Variants in CNTN1 observed in about 807,000 individuals in gnomAD.
CNTN1 encodes contactin-1.
A neutral mutation model predicts 126.4 loss-of-function variants in CNTN1; 38 were observed. The ratio of observed to expected loss-of-function variants is 0.30; its 90% CI spans 0.23 to 0.39. The LOEUF (loss-of-function observed/expected upper bound fraction) is 0.39. CNTN1 is among the 10% of genes least tolerant of loss of function. The pLI is 1.00. For missense variants in CNTN1, 1,009 were observed against 1,248.4 expected (o/e 0.81, Z 2.89); for synonymous variants, 413 against 422.6 (o/e 0.98, Z 0.28).
At chr12:40,881,762 G>A (rs1470876831) in intron 1 of CNTN1, among the ~76,000 whole-genome samples, 5 of 151,626 alleles carry the variant, frequency 3.3e-5, no homozygotes, top group Admixed American at 6.6e-5. Flanking sequence ...TGGGTTTACC[G>A]TTTTGTCTAA....
intron 1 of CNTN1, among the ~76,000 whole-genome samples, chr12:40,743,552 G>A (rs996638540): frequency 6.6e-6 from 1 of 152,134 alleles, no homozygotes; most frequent in Non-Finnish European, 1.5e-5. Flanking sequence ...TTTAGAATGG[G>A]TGTTTAGGAA....
At chr12:40,836,698 T>A (rs1052743426) in intron 1 of CNTN1, among the ~76,000 whole-genome samples, 1 of 152,196 alleles carries the variant, frequency 6.6e-6, no homozygotes, top group Non-Finnish European at 1.5e-5. Flanking sequence ...ATTTGTATAA[T>A]GGTTAATTCA....
intron 1 of CNTN1, among the ~76,000 whole-genome samples, chr12:40,836,898 C>T (rs965688413): frequency 9.2e-5 from 14 of 152,250 alleles, no homozygotes; most frequent in East Asian, 1.9e-4. Context: ...TTGGATGTTA[C>T]GCTATTACTA....
At chr12:40,936,646 T>TA in intron 9 of CNTN1, 135 bp from the exon 10 acceptor site, 4 of 1,052,492 alleles carry the variant, frequency 3.8e-6, no homozygotes, top group Non-Finnish European at 4.3e-6. Context: ...CAAGGCCTAT[T>TA]ACTGAGTTCA....
At chr12:41,005,389 A>G (rs755988680) in intron 17 of CNTN1, among the ~76,000 whole-genome samples, 3 of 152,156 alleles carry the variant, frequency 2.0e-5, no homozygotes, top group Non-Finnish European at 4.4e-5. Context: ...ATCTTTAAAA[A>G]TATGATGATT....
chr12:40,959,934 A>C (rs1305859888), intron 15 of CNTN1, among the ~76,000 whole-genome samples: 4 of 152,050 alleles, frequency 2.6e-5, no homozygotes, highest in Non-Finnish European at 5.9e-5. Flanking sequence ...ATCTCACTTC[A>C]TGTAACCAAC....
intron 1 of CNTN1, among the ~76,000 whole-genome samples, chr12:40,756,632 T>A (rs980065710): frequency 2.0e-5 from 3 of 152,132 alleles, no homozygotes; most frequent in Non-Finnish European, 4.4e-5. Context: ...GCATTTGCAC[T>A]AGGTGTTCCC....
At chr12:40,750,330 G>T (rs564081778) in intron 1 of CNTN1, among the ~76,000 whole-genome samples, 2 of 151,726 alleles carry the variant, frequency 1.3e-5, no homozygotes, top group Non-Finnish European at 1.5e-5. Context: ...AGATATAAAG[G>T]TATGGATGTG....
At chr12:40,948,149 T>C (rs899047173) in intron 14 of CNTN1, among the ~76,000 whole-genome samples, 2 of 151,970 alleles carry the variant, frequency 1.3e-5, no homozygotes, top group Non-Finnish European at 2.9e-5. Flanking sequence ...TCTGAGAGTA[T>C]TGGGGACACG....
chr12:40,836,642 T>A (rs569622791), intron 1 of CNTN1, among the ~76,000 whole-genome samples: 1 of 152,288 alleles, frequency 6.6e-6, no homozygotes, highest in African/African-American at 2.4e-5. Flanking sequence ...ACTTCCTCAA[T>A]GAAGAAATCA....
intron 23 of CNTN1, among the ~76,000 whole-genome samples, chr12:41,042,858 T>C (rs1254589243): frequency 1.3e-5 from 2 of 152,082 alleles, no homozygotes; most frequent in African/African-American, 4.8e-5. Flanking sequence ...TATCTACAAC[T>C]ATCTGATCTT....
chr12:40,853,085 G>A (rs1159499322), intron 1 of CNTN1, among the ~76,000 whole-genome samples: 1 of 151,712 alleles, frequency 6.6e-6, no homozygotes, highest in East Asian at 1.9e-4. Flanking sequence ...TTCAGCCCTG[G>A]TATGAAAAAC....
intron 1 of CNTN1, among the ~76,000 whole-genome samples, chr12:40,852,683 T>C (rs992815649): frequency 6.6e-6 from 1 of 152,140 alleles, no homozygotes; most frequent in Non-Finnish European, 1.5e-5. Context: ...ATATTTGCGT[T>C]CCATCACTAT....
At chr12:40,747,491 T>G (rs1245784058) in intron 1 of CNTN1, among the ~76,000 whole-genome samples, 1 of 151,970 alleles carries the variant, frequency 6.6e-6, no homozygotes, top group Non-Finnish European at 1.5e-5. Context: ...AGAGCACAAG[T>G]GATGAGGTGG....
chr12:40,875,712 ATAG>A (rs1943646182), intron 1 of CNTN1, among the ~76,000 whole-genome samples: 2 of 152,074 alleles, frequency 1.3e-5, no homozygotes, highest in South Asian at 2.1e-4. Flanking sequence ...TTTATAGCTT[ATAG>A]TAGATCATGG....
intron 16 of CNTN1, among the ~76,000 whole-genome samples, chr12:40,989,080 C>G (rs1948038291): frequency 6.6e-6 from 1 of 152,190 alleles, no homozygotes; most frequent in Non-Finnish European, 1.5e-5. Flanking sequence ...TCTCTCCGTT[C>G]CTGTTTCTCT....
chr12:40,771,247 A>G (rs1284292672), intron 1 of CNTN1, among the ~76,000 whole-genome samples: 2 of 152,120 alleles, frequency 1.3e-5, no homozygotes, highest in Non-Finnish European at 2.9e-5. Flanking sequence ...AGAGAGTATT[A>G]GAATCTGGGC....
At chr12:40,785,877 G>T (rs1301855705) in intron 1 of CNTN1, among the ~76,000 whole-genome samples, 3 of 152,024 alleles carry the variant, frequency 2.0e-5, no homozygotes, top group African/African-American at 7.2e-5. Flanking sequence ...ATTACCATGG[G>T]GATGGTGCTG....
At chr12:40,739,554 A>C (rs1937844355) in intron 1 of CNTN1, among the ~76,000 whole-genome samples, 1 of 152,108 alleles carries the variant, frequency 6.6e-6, no homozygotes, top group South Asian at 2.1e-4. Flanking sequence ...TGTTTATCTG[A>C]AATTCAAACT....
Sources: gnomAD v4.1 joint callset for allele counts (sites outside exome capture counted in the v4.1 genomes callset) on GRCh38, gnomAD v4.1.1 for gene constraint, MANE v1.5 for transcripts, NCBI Gene and HGNC (gene_info 2026-07-23, HGNC 2026-07-21) for gene names.